The following ASGR1 variants were observed in gnomAD, a reference collection of about 807,000 sequenced individuals.
The protein encoded by ASGR1 is C-type lectin domain family 4 member H1.
ASGR1 carries 35 observed loss-of-function variants against 33.1 expected under a neutral mutation model. The ratio of observed to expected loss-of-function variants is 1.06; its 90% CI spans 0.81 to 1.40. ASGR1 has a LOEUF of 1.40. Among genes scored for constraint, ASGR1 ranks in the 40% most tolerant of loss-of-function variants. ASGR1 has a pLI of 0.00. For missense variants in ASGR1, 396 were observed against 373.7 expected, an observed-to-expected ratio of 1.06 and a Z score of -0.49; for synonymous variants, 142 against 152.5, an observed-to-expected ratio of 0.93 and a Z score of 0.51.
chr17:7,176,395 C>T (rs1254381014), intron 5 of ASGR1, among the ~76,000 whole-genome samples: 1 of 150,520 alleles, frequency 6.6e-6, no homozygotes, highest in Non-Finnish European at 1.5e-5. Flanking sequence ...GACTCACACA[C>T]ACCTCATTAT....
At position 7,173,916 on chromosome 17, in the gene ASGR1, G is replaced by C. The variant is rs1361651197; in HGVS notation, c.701+45C>G. 2.5e-6 allele frequency: 4 copies of C among 1,612,330 alleles called. No individual in the cohort carries two copies. Among genetic ancestry groups the C allele is most frequent in the Admixed American group, 1.7e-5 (1 of 59,970 alleles). On this transcript the variant is annotated intron_variant, in intron 8 of 8. Coordinates refer to ENST00000269299, the MANE Select transcript of ASGR1 (RefSeq NM_001671.5). This position sits in a 1 kb window ranked among gnomAD's most constrained non-coding sequence, Gnocchi z 4.7. ...AGACTCCTCAGCCCAGGGCCCCAGGGCGCGAAGGCGGCCGGACCCAGGCCG... is the reference window on the plus strand; with the variant it reads ...AGACTCCTCAGCCCAGGGCCCCAGGCCGCGAAGGCGGCCGGACCCAGGCCG...
Position 7,174,164 on chromosome 17 carries a change from C to T in ASGR1, c.568G>A (p.Val190Met), listed in dbSNP as rs1429351649. 6.2e-7 allele frequency: 1 copy of T among 1,614,004 alleles called. No individual in the cohort carries two copies. The highest frequency in any genetic ancestry group is 8.5e-7 in the Non-Finnish European group (1 of 1,179,994). ...NYCRLEDAHL[V>M]VVTSWEEQKF... ...TGCTCCTCCCAGGACGTGACCACCA[C>T]CAGGTGCGCGTCCTCCAGCCGGCAG... The change falls in exon 7 of 9, where the codon GTG (valine) becomes ATG (methionine). Residue 190 changes from valine to methionine, a missense_variant. By Grantham distance (21) the Val-to-Met change is conservative. Transcript: ENST00000269299.
intron 2 of ASGR1, chr17:7,178,194 CAT>C: frequency 2.3e-6 from 1 of 429,684 alleles, no homozygotes; most frequent in Non-Finnish European, 4.3e-6. Flanking sequence ...GTGACTTCGT[CAT>C]AGGAAGCCGA....
In ASGR1 at chr17:7,176,463, CCA is replaced by C. The variant is rs529661952; in HGVS notation, c.355+365_355+366del. 1.9e-4 allele frequency among the ~76,000 whole-genome samples: 27 copies of C among 143,966 alleles called. No homozygotes were observed. The East Asian group carries it at 2.8e-3, about 15-fold the overall frequency. 94.4% of individuals were successfully genotyped at this position (143,966 alleles called of 152,430 possible). ...CTCTCACACACACTCCCTCTCATTC[CCA>C]CAGACTGTCTCACACACACTCTATC... On this transcript the variant is annotated intron_variant, in intron 5 of 8. Coordinates refer to ENST00000269299, the MANE Select transcript of ASGR1 (RefSeq NM_001671.5).
intron 5 of ASGR1, among the ~76,000 whole-genome samples, chr17:7,175,825 TCAGA>T (rs943849609): frequency 2.8e-5 from 4 of 140,740 alleles, no homozygotes; most frequent in South Asian, 4.5e-4. Context: ...AGACACACAC[TCAGA>T]CACACACACC....
intron 2 of ASGR1, 34 bp downstream of exon 2, chr17:7,178,460 T>C (rs758132232): frequency 2.5e-6 from 4 of 1,604,986 alleles, no homozygotes; most frequent in Non-Finnish European, 3.4e-6. Flanking sequence ...CGCCAAATTC[T>C]CGCCTTGCAG....
In ASGR1 at chr17:7,176,251, C is replaced by A. The variant is rs1056460930; in HGVS notation, c.355+579G>T. ...CACACACTCACAGACACACACACCC[C>A]ATCTCATTCTCACACTCACTCACAC... On this transcript the variant is annotated intron_variant, in intron 5 of 8. Transcript: ENST00000269299. Among the ~76,000 whole-genome samples, 42 of 141,186 alleles carry A rather than the reference C, an allele frequency of 3.0e-4. 1 individual carries two copies. Among genetic ancestry groups the A allele is most frequent in the African/African-American group, 9.7e-4 (34 of 34,948 alleles). The allele number at this position is 141,186 out of a possible 152,430, so 92.6% of individuals were successfully genotyped here. A position where few individuals can be genotyped will look rare whatever the true frequency, so the allele number is the denominator to read the frequency against.
intron 3 of ASGR1, 52 bp downstream of exon 3, chr17:7,177,158 C>T (rs1231272024): frequency 8.1e-6 from 13 of 1,612,630 alleles, no homozygotes; most frequent in African/African-American, 4.0e-5. Flanking sequence ...TTGCCACGGT[C>T]CCCCGTCAAC....
chr17:7,176,487 T>A, intron 5 of ASGR1: 3 of 382,076 alleles, frequency 7.9e-6, no homozygotes, highest in East Asian at 5.6e-5. Flanking sequence ...ACACACACTC[T>A]ATCTCATTCT....
In ASGR1 at chr17:7,173,661, A is replaced by G. The variant is rs533849980; in HGVS notation, c.874T>C (p.Ter292GlnextTer32). Residue 292 changes from the stop codon to glutamine, a stop_lost, in exon 9 of 9, where the codon TAA (stop) becomes CAA (glutamine). Coordinates refer to ENST00000269299, the MANE Select transcript of ASGR1 (RefSeq NM_001671.5). The surrounding 1 kb of genome is among the most constrained non-coding windows in gnomAD (Gnocchi z 4.7). ...GGTCGAGGCATTGAAGAAATAAATTAAAGGAGAGGTGGCTCCTGGCTGGCC... is the reference window on the plus strand; with the variant it reads ...GGTCGAGGCATTGAAGAAATAAATTGAAGGAGAGGTGGCTCCTGGCTGGCC... ...DKASQEPPLL[*>Q] 1.2e-6 allele frequency: 2 copies of G among 1,613,060 alleles called. No homozygotes were observed. The highest frequency in any genetic ancestry group is 2.2e-5 in the East Asian group (1 of 44,880).
chr17:7,174,501 A>AACC (rs1567792274), intron 5 of ASGR1, 41 bp from the exon 6 acceptor site: 48 of 1,588,238 alleles, frequency 3.0e-5, no homozygotes, highest in Non-Finnish European at 3.9e-5. Flanking sequence ...GAGATGCGGA[A>AACC]ACCACGGGGA....
rs1462249456 is a variant in ASGR1 at position 7,173,545 on chromosome 17, TC to T, written c.*113del. The T allele has an allele frequency of 6.4e-6, 9 of 1,413,944 alleles. No homozygotes were observed. Among genetic ancestry groups the T allele is most frequent in the Non-Finnish European group, 8.7e-6 (9 of 1,039,594 alleles). The allele number at this position is 1,413,944 out of a possible 1,614,324, so 87.6% of individuals were successfully genotyped here. On this transcript the variant is annotated 3_prime_UTR_variant, in exon 9 of 9. Coordinates refer to ENST00000269299, the MANE Select transcript of ASGR1 (RefSeq NM_001671.5). This position sits in a 1 kb window ranked among gnomAD's most constrained non-coding sequence, Gnocchi z 4.7. Reference sequence around the variant, plus strand: ...CACCTTCGGAACATCACCCTATCCTTCCCCTTCCCTTAAAATCCTAGATGAA... The same window carrying T: ...CACCTTCGGAACATCACCCTATCCTTCCCTTCCCTTAAAATCCTAGATGAA...
At chr17:7,178,095 T>C (rs974624039) in intron 2 of ASGR1, 1 of 234,506 alleles carries the variant, frequency 4.3e-6, no homozygotes, top group Non-Finnish European at 8.6e-6. Flanking sequence ...CTTTTCCCCC[T>C]TCACCAAACT....
At chr17:7,174,104 G>A (rs778941160) in intron 7 of ASGR1, 34 bp downstream of exon 7, 2 of 1,613,994 alleles carry the variant, frequency 1.2e-6, no homozygotes, top group Admixed American at 1.7e-5. Context: ...TCTCTCCGAG[G>A]CCAGCCAGCC....
chr17:7,175,142 AAC>A (rs1441054780), intron 5 of ASGR1, among the ~76,000 whole-genome samples: 1 of 150,024 alleles, frequency 6.7e-6, no homozygotes, highest in Non-Finnish European at 1.5e-5. Context: ...ACATACACAC[AAC>A]ACACACAAAA....
intron 5 of ASGR1, among the ~76,000 whole-genome samples, chr17:7,175,608 A>G (rs2069189107): frequency 6.6e-6 from 1 of 151,552 alleles, no homozygotes; most frequent in Non-Finnish European, 1.5e-5. Flanking sequence ...ACATTCTCAC[A>G]CACGCAACAC....
Position 7,177,317 on chromosome 17 carries a change from G to A in ASGR1, c.80C>T (p.Pro27Leu), listed in dbSNP as rs1047571131. 1.9e-6 allele frequency: 3 copies of A among 1,613,362 alleles called. No homozygotes were observed. In the African/African-American group the frequency reaches 4.0e-5, roughly 22 times the overall value. Residue 27 changes from proline to leucine, a missense_variant, in exon 3 of 9, where the codon CCT (proline) becomes CTT (leucine). Physicochemically the swap from Pro to Leu is moderately conservative, Grantham distance 98. Transcript: ENST00000269299. ...DHHQLRKGPPPPQPLLQRLCS... is the reference protein window; with the variant it reads ...DHHQLRKGPPLPQPLLQRLCS... Reference sequence around the variant, plus strand: ...GAGACGCTGCAGGAGGGGCTGGGGAGGAGGTGGCCCTGCAAGAGGAGGGGG... The same window carrying A: ...GAGACGCTGCAGGAGGGGCTGGGGAAGAGGTGGCCCTGCAAGAGGAGGGGG...
Position 7,174,469 on chromosome 17 carries a change from A to G in ASGR1, c.356-9T>C. 2 of 1,611,134 alleles carry G rather than the reference A, an allele frequency of 1.2e-6. No individual in the cohort carries two copies. The highest frequency in any genetic ancestry group is 1.7e-6 in the Non-Finnish European group (2 of 1,178,776). On this transcript the variant is annotated splice_polypyrimidine_tract_variant and intron_variant, in intron 5 of 8. Transcript: ENST00000269299. The stretch of plus-strand genomic sequence containing the variant: ...CAGCAGGCTGGAGTGATCTGGGGAG[A>G]CCGGGCGGAGGGGAGCGGGAGGAGA...
intron 5 of ASGR1, chr17:7,176,595 A>T: frequency 3.5e-6 from 2 of 570,960 alleles, no homozygotes; most frequent in Non-Finnish European, 6.2e-6. Flanking sequence ...CACACACTCC[A>T]TCTCATTCTC....
Sources: gnomAD v4.1 joint callset for allele counts (sites outside exome capture counted in the v4.1 genomes callset) on GRCh38, gnomAD v4.1.1 for gene constraint, Gnocchi (gnomAD v3.1) non-coding constraint, MANE v1.5 for transcripts, NCBI Gene and HGNC (gene_info 2026-07-23, HGNC 2026-07-21) for gene names.